The following ASIC2 variants were observed in gnomAD, a reference collection of about 807,000 sequenced individuals.
ASIC2 encodes acid sensing ion channel subunit 2.
A neutral mutation model predicts 57.3 loss-of-function variants in ASIC2; 25 were observed. The ratio of observed to expected loss-of-function variants is 0.44; its 90% CI spans 0.32 to 0.61. The LOEUF is 0.61. ASIC2 is among the 20% of genes least tolerant of loss of function. The pLI is 0.06. For missense variants in ASIC2, 641 were observed against 738.1 expected, an observed-to-expected ratio of 0.87 and a Z score of 1.52; for synonymous variants, 319 against 307.5, an observed-to-expected ratio of 1.04 and a Z score of -0.39.
At chr17:33,919,445 G>A (rs1423180346) in intron 1 of ASIC2, among the ~76,000 whole-genome samples, 1 of 152,128 alleles carries the variant, frequency 6.6e-6, no homozygotes, top group Non-Finnish European at 1.5e-5. Context: ...AAATAGTGCT[G>A]GGATAACTGT....
chr17:33,820,909 G>A (rs1912726262), intron 1 of ASIC2, among the ~76,000 whole-genome samples: 1 of 152,132 alleles, frequency 6.6e-6, no homozygotes. Context: ...TAAGGCTTGC[G>A]TTATAGTTCT....
At chr17:33,130,803 C>A (rs1300787753) in intron 1 of ASIC2, among the ~76,000 whole-genome samples, 4 of 152,192 alleles carry the variant, frequency 2.6e-5, no homozygotes, top group African/African-American at 9.7e-5. Context: ...GGAGTCAGGG[C>A]AGACATCTAA....
intron 2 of ASIC2, among the ~76,000 whole-genome samples, chr17:33,109,209 A>C (rs2092247017): frequency 6.6e-6 from 1 of 152,194 alleles, no homozygotes; most frequent in African/African-American, 2.4e-5. Context: ...TATTCATGTA[A>C]GCAAACACCA....
intron 1 of ASIC2, among the ~76,000 whole-genome samples, chr17:33,836,350 T>C (rs1051800295): frequency 4.0e-5 from 6 of 151,688 alleles, no homozygotes; most frequent in Admixed American, 3.3e-4. Flanking sequence ...TGGCCTCAAA[T>C]TGACCTGCCT....
chr17:33,052,717 T>A (rs1275183271), intron 3 of ASIC2: 1 of 152,114 alleles, frequency 6.6e-6, no homozygotes. Flanking sequence ...ATCCAGAACA[T>A]CTTCAGTAAG....
intron 3 of ASIC2, among the ~76,000 whole-genome samples, chr17:33,031,257 C>T (rs910028243): frequency 1.3e-5 from 2 of 151,824 alleles, no homozygotes; most frequent in African/African-American, 4.8e-5. Context: ...GTGTTTTTTC[C>T]CCAAGGAATT....
intron 1 of ASIC2, among the ~76,000 whole-genome samples, chr17:33,883,484 G>C (rs1914753671): frequency 6.6e-6 from 1 of 152,164 alleles, no homozygotes; most frequent in Non-Finnish European, 1.5e-5. Context: ...ATCAGATACA[G>C]AAAGACTCCA....
intron 1 of ASIC2, among the ~76,000 whole-genome samples, chr17:33,430,123 A>G (rs1911356661): frequency 6.6e-6 from 1 of 152,120 alleles, no homozygotes; most frequent in African/African-American, 2.4e-5. Context: ...TGCATGACCC[A>G]CTGAAACCCT....
At chr17:33,834,944 A>T (rs932991299) in intron 1 of ASIC2, among the ~76,000 whole-genome samples, 22 of 152,130 alleles carry the variant, frequency 1.4e-4, no homozygotes, top group Admixed American at 1.4e-3. Context: ...TAGTAAAAGG[A>T]AAAGGGGGTA....
intron 1 of ASIC2, among the ~76,000 whole-genome samples, chr17:33,580,676 T>G (rs1204079598): frequency 6.6e-6 from 1 of 152,104 alleles, no homozygotes; most frequent in Non-Finnish European, 1.5e-5. Flanking sequence ...CTCACTCTTG[T>G]TTTTGTGACC....
intron 5 of ASIC2, 144 bp from the exon 6 acceptor site, chr17:33,024,158 G>A (rs1161966350): frequency 3.4e-5 from 36 of 1,061,140 alleles, no homozygotes; most frequent in Non-Finnish European, 4.5e-5. Context: ...ATTGTGGAGA[G>A]AGGGGAACTG....
chr17:33,493,804 C>T (rs1913839897), intron 1 of ASIC2, among the ~76,000 whole-genome samples: 1 of 152,108 alleles, frequency 6.6e-6, no homozygotes, highest in South Asian at 2.1e-4. Flanking sequence ...ACTTCCAGGC[C>T]AGCTGCATTC....
chr17:33,094,400 G>C (rs1387916132), intron 2 of ASIC2, among the ~76,000 whole-genome samples: 2 of 152,138 alleles, frequency 1.3e-5, no homozygotes, highest in African/African-American at 4.8e-5. Context: ...CCGAGGGGGT[G>C]GTAACGGCTC....
intron 1 of ASIC2, among the ~76,000 whole-genome samples, chr17:33,435,392 T>C (rs567567315): frequency 6.6e-6 from 1 of 152,264 alleles, no homozygotes; most frequent in African/African-American, 2.4e-5. Context: ...AGGATACAGG[T>C]ACCAACTGAA....
At position 33,475,259 on chromosome 17, in the gene ASIC2, A is replaced by G. The variant is rs188676946; in HGVS notation, c.556-363192T>C. Among the ~76,000 whole-genome samples, 80 of 150,636 alleles carry G rather than the reference A, an allele frequency of 5.3e-4. 1 individual carries two copies. In the East Asian group the frequency reaches 0.014, roughly 26 times the overall value. On this transcript the variant is annotated intron_variant, in intron 1 of 9. Coordinates refer to the ASIC2 transcript ENST00000359872. ...ACATCCCCACCCCCCAGTATTTAAC[A>G]AATGTTGAAATTTTACCATATTTGT...
chr17:34,134,856 A>G (rs992104982), intron 1 of ASIC2, among the ~76,000 whole-genome samples: 1 of 152,046 alleles, frequency 6.6e-6, no homozygotes, highest in African/African-American at 2.4e-5. Context: ...TCCTGGGGCC[A>G]CCCCCTACCT....
At chr17:33,279,726 A>AT (rs1052469208) in intron 1 of ASIC2, among the ~76,000 whole-genome samples, 1 of 152,080 alleles carries the variant, frequency 6.6e-6, no homozygotes, top group Non-Finnish European at 1.5e-5. Flanking sequence ...CAACTCTATA[A>AT]TTTTTTTAAA....
intron 1 of ASIC2, among the ~76,000 whole-genome samples, chr17:33,912,196 C>T (rs535538133): frequency 7.4e-6 from 1 of 134,432 alleles, no homozygotes; most frequent in East Asian, 2.5e-4. Context: ...AACTAATAAA[C>T]TTTATAGGTG....
intron 1 of ASIC2, among the ~76,000 whole-genome samples, chr17:33,735,020 C>T (rs777202172): frequency 2.6e-5 from 4 of 152,182 alleles, no homozygotes; most frequent in Non-Finnish European, 5.9e-5. Flanking sequence ...CTGCACTTCG[C>T]TGTTGCTGTT....
Sources: gnomAD v4.1 joint callset for allele counts (sites outside exome capture counted in the v4.1 genomes callset) on GRCh38, gnomAD v4.1.1 for gene constraint, MANE v1.5 for transcripts, NCBI Gene and HGNC (gene_info 2026-07-23, HGNC 2026-07-21) for gene names.